Variants in FCER1A observed in about 807,000 individuals in gnomAD.
FCER1A encodes the protein Fc epsilon receptor Ia.
FCER1A carries 24 observed loss-of-function variants against 23.6 expected under a neutral mutation model. The ratio of observed to expected loss-of-function variants is 1.02; its 90% CI spans 0.74 to 1.43. FCER1A has a LOEUF of 1.43. Ranked by LOEUF, FCER1A falls within the 40% of genes most tolerant of loss-of-function variation. The probability of loss-of-function intolerance (pLI) is 0.00; values close to 1 mark genes in which losing one functional copy is unlikely to be tolerated. For missense variants in FCER1A, 318 were observed against 294.5 expected (o/e 1.08, Z -0.58); for synonymous variants, 121 against 108.8 (o/e 1.11, Z -0.70).
upstream of FCER1A, among the ~76,000 whole-genome samples, chr1:159,286,213 A>C (rs1652011971): frequency 1.3e-5 from 2 of 151,922 alleles, no homozygotes; most frequent in Non-Finnish European, 2.9e-5. Context: ...TAAATAAATA[A>C]ATAAAATTTA....
At chr1:159,305,015 C>T (rs1310982262) in intron 3 of FCER1A, among the ~76,000 whole-genome samples, 1 of 152,184 alleles carries the variant, frequency 6.6e-6, no homozygotes, top group Non-Finnish European at 1.5e-5. Flanking sequence ...AATAGCATAG[C>T]ATGCTTAGGC....
chr1:159,286,340 A>ATTT (rs3051939), upstream of FCER1A, among the ~76,000 whole-genome samples: 6 of 149,252 alleles, frequency 4.0e-5, no homozygotes, highest in East Asian at 2.0e-4. Flanking sequence ...TGTCTAAATC[A>ATTT]TTTTTTTTTT....
At chr1:159,286,245 T>C (rs538075895), upstream of FCER1A, among the ~76,000 whole-genome samples, 2 of 152,204 alleles carry the variant, frequency 1.3e-5, no homozygotes, top group African/African-American at 4.8e-5. Context: ...AAAAGCTAAC[T>C]GATCAATATT....
chr1:159,291,335 T>G (rs995126236), intron 1 of FCER1A, among the ~76,000 whole-genome samples: 1 of 152,224 alleles, frequency 6.6e-6, no homozygotes, highest in African/African-American at 2.4e-5. Context: ...TATTACAAAT[T>G]TAACATATCT....
upstream of FCER1A, among the ~76,000 whole-genome samples, chr1:159,299,198 T>C (rs1406012313): frequency 6.6e-6 from 1 of 152,176 alleles, no homozygotes; most frequent in Non-Finnish European, 1.5e-5. Flanking sequence ...GAGATCAACA[T>C]TTGTTAGGTA....
intron 1 of FCER1A, among the ~76,000 whole-genome samples, chr1:159,292,746 T>C (rs994093934): frequency 5.3e-5 from 8 of 152,164 alleles, no homozygotes; most frequent in South Asian, 2.1e-4. Context: ...ATTTCCAGTA[T>C]GGCAGTATTG....
In FCER1A at chr1:159,303,992, G is replaced by A; in HGVS notation, c.141G>A (p.Val47=). The A allele has an allele frequency of 6.2e-7, 1 of 1,613,026 alleles. No homozygotes were observed. Among genetic ancestry groups the A allele is most frequent in the Non-Finnish European group, 8.5e-7 (1 of 1,179,010 alleles). ...PWNRIFKGEN[V]TLTCNGNNFF... ...ATAGAATATTTAAAGGAGAGAATGT[G>A]ACTCTTACATGTAATGGGAACAATT... The change falls in exon 3 of 5, where the codon GTG becomes GTA. Residue 47 remains valine, a synonymous_variant. Coordinates refer to ENST00000693622, the MANE Select transcript of FCER1A (RefSeq NM_001387280.1).
At chr1:159,295,072 A>G (rs1652260200) in intron 1 of FCER1A, among the ~76,000 whole-genome samples, 1 of 152,178 alleles carries the variant, frequency 6.6e-6, no homozygotes, top group Non-Finnish European at 1.5e-5. Flanking sequence ...TATAAATTCA[A>G]TTTAGGAATT....
upstream of FCER1A, among the ~76,000 whole-genome samples, chr1:159,288,379 A>G (rs900507368): frequency 2.0e-5 from 3 of 152,138 alleles, no homozygotes; most frequent in Non-Finnish European, 2.9e-5. Context: ...TTCTTTCCCT[A>G]CTTCATAACT....
intron 1 of FCER1A, chr1:159,289,820 A>G (rs1358327158): frequency 6.6e-6 from 1 of 152,122 alleles, no homozygotes; most frequent in Non-Finnish European, 1.5e-5. Flanking sequence ...CACTACTCAC[A>G]TCCCTCCCTC....
At chr1:159,306,631 T>G (rs1223900991) in intron 4 of FCER1A, among the ~76,000 whole-genome samples, 2 of 152,108 alleles carry the variant, frequency 1.3e-5, no homozygotes, top group Admixed American at 6.5e-5. Context: ...CAAAGTTGAA[T>G]GAAGAAAGGA....
At chr1:159,295,557 C>T (rs973448705) in intron 1 of FCER1A, among the ~76,000 whole-genome samples, 1 of 152,022 alleles carries the variant, frequency 6.6e-6, no homozygotes, top group African/African-American at 2.4e-5. Context: ...CAAAATGTCC[C>T]AAATTTTATG....
chr1:159,306,121 G>T lies in FCER1A; in HGVS notation c.465G>T (p.Trp155Cys), dbSNP rs774606741. Reference protein sequence around the residue: ...YYKDGEALKYWYENHNISITN... With the variant: ...YYKDGEALKYCYENHNISITN... ...AGGATGGTGAAGCTCTCAAGTACTG[G>T]TATGAGAACCACAACATCTCCATTA... Residue 155 changes from tryptophan (W) to cysteine (C), a missense_variant, in exon 4 of 5, where the codon TGG (tryptophan) becomes TGT (cysteine). Transcript: ENST00000693622. The T allele has an allele frequency of 1.9e-6, 3 of 1,614,136 alleles. No individual in the cohort carries two copies. In the South Asian group the frequency reaches 3.3e-5, roughly 18 times the overall value.
At chr1:159,301,617 G>A (rs553491314), upstream of FCER1A, among the ~76,000 whole-genome samples, 129 of 152,276 alleles carry the variant, frequency 8.5e-4, no homozygotes, top group African/African-American at 2.9e-3. Context: ...GTCAGACAGC[G>A]GATCATCAGT....
At chr1:159,297,537 C>A, upstream of FCER1A, among the ~76,000 whole-genome samples, 1 of 152,138 alleles carries the variant, frequency 6.6e-6, no homozygotes, top group East Asian at 1.9e-4. Context: ...CTGATAACCA[C>A]CCTTAAGGTA....
At chr1:159,299,944 TC>T (rs1182061511), upstream of FCER1A, among the ~76,000 whole-genome samples, 4 of 151,658 alleles carry the variant, frequency 2.6e-5, no homozygotes, top group Non-Finnish European at 5.9e-5. Context: ...TATGGCTTTT[TC>T]TTTCCGATGC....
At chr1:159,298,934 A>G (rs558283750), upstream of FCER1A, among the ~76,000 whole-genome samples, 4 of 152,278 alleles carry the variant, frequency 2.6e-5, no homozygotes, top group African/African-American at 7.2e-5. Flanking sequence ...CAAAGTGTAG[A>G]CTCAATGAAT....
Position 159,302,439 on chromosome 1 carries a change from C to A in FCER1A, c.55+20C>A, listed in dbSNP as rs1652462259. ...TCTTCGGTAAGTAGAGATTCAATTA[C>A]CCCTCCCAGGGAGGCCCAAATGAAT... On this transcript the variant is annotated intron_variant, in intron 1 of 4. Transcript: ENST00000693622. 1.3e-6 allele frequency: 2 copies of A among 1,566,710 alleles called. No homozygotes were observed. Among genetic ancestry groups the A allele is most frequent in the South Asian group, 1.1e-5 (1 of 90,138 alleles).
At chr1:159,294,562 GT>G (rs1652246887) in intron 1 of FCER1A, among the ~76,000 whole-genome samples, 1 of 152,030 alleles carries the variant, frequency 6.6e-6, no homozygotes, top group African/African-American at 2.4e-5. Context: ...TCACTGTTCT[GT>G]TTACTTATTT....
Sources: allele counts gnomAD v4.1 joint callset (sites outside exome capture counted in the v4.1 genomes callset), GRCh38; gene constraint gnomAD v4.1.1; transcripts MANE v1.5; gene names NCBI Gene and HGNC (gene_info 2026-07-23, HGNC 2026-07-21).